The following COLEC12 variants were observed in gnomAD, a reference collection of about 807,000 sequenced individuals.
COLEC12 encodes collectin-12.
In COLEC12, 33 loss-of-function variants were observed where a neutral mutation model predicts 71.1. The observed-to-expected ratio is 0.46, with a 90% CI of 0.35 to 0.62. The LOEUF is 0.62. Ranked by LOEUF, COLEC12 falls within the 20% of genes least tolerant of loss-of-function variation. COLEC12 has a pLI of 0.00. For synonymous variants in COLEC12, 350 were observed against 353.0 expected (o/e 0.99, Z 0.10); for missense variants, 765 against 916.1 (o/e 0.84, Z 2.13).
At chr18:377,885 G>A (rs1915147540) in intron 2 of COLEC12, among the ~76,000 whole-genome samples, 1 of 151,952 alleles carries the variant, frequency 6.6e-6, no homozygotes, top group Non-Finnish European at 1.5e-5. Flanking sequence ...TGGGGCTGGG[G>A]GAAATAGGGT....
chr18:361,595 G>A (rs951258976), intron 2 of COLEC12, among the ~76,000 whole-genome samples: 13 of 152,198 alleles, frequency 8.5e-5, no homozygotes, highest in African/African-American at 2.4e-4. Flanking sequence ...ACGGACCAGC[G>A]CATAAGCTCT....
intron 5 of COLEC12, among the ~76,000 whole-genome samples, chr18:344,812 C>T (rs527605612): frequency 6.6e-6 from 1 of 152,368 alleles, no homozygotes; most frequent in South Asian, 2.1e-4. Context: ...CATCTTGATA[C>T]TATCCTGGCC....
At chr18:406,051 G>A (rs80246746) in intron 2 of COLEC12, among the ~76,000 whole-genome samples, 98 of 152,172 alleles carry the variant, frequency 6.4e-4, no homozygotes, top group African/African-American at 2.3e-3. Flanking sequence ...AAAACAGATG[G>A]CAATGAGAGT....
At chr18:447,836 G>GCAAGAATAGAT (rs1327533478) in intron 2 of COLEC12, among the ~76,000 whole-genome samples, 1 of 152,074 alleles carries the variant, frequency 6.6e-6, no homozygotes, top group Non-Finnish European at 1.5e-5. Context: ...GTCCCCTACA[G>GCAAGAATAGAT]CAAGAATATA....
intron 2 of COLEC12, among the ~76,000 whole-genome samples, chr18:452,593 G>T (rs1298343190): frequency 6.6e-6 from 1 of 152,188 alleles, no homozygotes; most frequent in Admixed American, 6.6e-5. Flanking sequence ...CCTCTCATTA[G>T]CTGTGTGCTT....
chr18:402,689 G>A (rs1196834388), intron 2 of COLEC12, among the ~76,000 whole-genome samples: 2 of 151,882 alleles, frequency 1.3e-5, no homozygotes, highest in Admixed American at 1.3e-4. Context: ...TAGAGTTATC[G>A]CTACTGCTGC....
intron 5 of COLEC12, among the ~76,000 whole-genome samples, chr18:338,606 C>T (rs1240755608): frequency 6.6e-6 from 1 of 152,190 alleles, no homozygotes; most frequent in Non-Finnish European, 1.5e-5. Context: ...CCTAAATAGC[C>T]TATGCCATTT....
chr18:449,823 T>C (rs1916724591), intron 2 of COLEC12, among the ~76,000 whole-genome samples: 1 of 152,252 alleles, frequency 6.6e-6, no homozygotes, highest in African/African-American at 2.4e-5. Flanking sequence ...TGGCTGAGAC[T>C]TTCTCAGAGC....
intron 2 of COLEC12, among the ~76,000 whole-genome samples, chr18:459,210 G>C (rs533457578): frequency 7.6e-4 from 116 of 152,308 alleles, no homozygotes; most frequent in African/African-American, 2.8e-3. Context: ...GGATCACCCA[G>C]ACTCTAATGA....
At chr18:328,831 C>T (rs1282930707) in intron 8 of COLEC12, among the ~76,000 whole-genome samples, 1 of 152,212 alleles carries the variant, frequency 6.6e-6, no homozygotes, top group Non-Finnish European at 1.5e-5. Context: ...TGCACTCCCT[C>T]CCTCGGCTGC....
intron 2 of COLEC12, among the ~76,000 whole-genome samples, chr18:462,923 C>A (rs1329279763): frequency 6.6e-6 from 1 of 152,172 alleles, no homozygotes; most frequent in African/African-American, 2.4e-5. Flanking sequence ...AATTTCTCCC[C>A]AGCTGGAGTT....
At chr18:320,506 G>A (rs990641901) in intron 9 of COLEC12, among the ~76,000 whole-genome samples, 40 of 152,100 alleles carry the variant, frequency 2.6e-4, no homozygotes, top group African/African-American at 8.9e-4. Flanking sequence ...ATGGCAATAC[G>A]GATAATTTAT....
intron 2 of COLEC12, among the ~76,000 whole-genome samples, chr18:392,446 T>C (rs1915481761): frequency 6.6e-6 from 1 of 152,244 alleles, no homozygotes; most frequent in South Asian, 2.1e-4. Flanking sequence ...TTTTATGCAA[T>C]TTAAATTACA....
rs1361147948 is a variant in COLEC12, at chr18:484,589, T to G, written c.8-3832A>C. Among the ~76,000 whole-genome samples the G allele has an allele frequency of 4.6e-5, 7 of 152,226 alleles. No individual in the cohort carries two copies. The South Asian group carries it at 1.2e-3, about 27-fold the overall frequency. On this transcript the variant is annotated intron_variant, in intron 1 of 9. Transcript: ENST00000400256. ...AGTCTCTCTCAATGTTTTTGTTTTT[T>G]GGGGGCGAGGATAGAGATTGGAAAA...
intron 2 of COLEC12, among the ~76,000 whole-genome samples, chr18:468,959 A>G (rs1267285643): frequency 1.3e-5 from 2 of 152,266 alleles, no homozygotes; most frequent in African/African-American, 4.8e-5. Context: ...CATAGCTGCT[A>G]TTAATCAGCA....
chr18:471,001 T>C (rs1917185456), intron 2 of COLEC12, among the ~76,000 whole-genome samples: 2 of 152,222 alleles, frequency 1.3e-5, no homozygotes, highest in African/African-American at 4.8e-5. Flanking sequence ...CAGTCTGGAT[T>C]TCTGCCAGAA....
intron 2 of COLEC12, among the ~76,000 whole-genome samples, chr18:438,570 T>C (rs538049317): frequency 1.3e-5 from 2 of 152,234 alleles, no homozygotes; most frequent in Admixed American, 6.5e-5. Flanking sequence ...CCCAGTACTT[T>C]GGGAGGCCAA....
intron 3 of COLEC12, among the ~76,000 whole-genome samples, chr18:356,203 A>G (rs916380791): frequency 1.3e-5 from 2 of 152,130 alleles, no homozygotes; most frequent in African/African-American, 4.8e-5. Flanking sequence ...TATAGGAGAG[A>G]TTCTTCAATT....
chr18:365,245 A>C (rs1215882349), intron 2 of COLEC12, among the ~76,000 whole-genome samples: 1 of 152,248 alleles, frequency 6.6e-6, no homozygotes, highest in Non-Finnish European at 1.5e-5. Context: ...ATACTTAAGC[A>C]GCAAGTAAAT....
Sources: gnomAD v4.1 joint callset for allele counts (sites outside exome capture counted in the v4.1 genomes callset) on GRCh38, gnomAD v4.1.1 for gene constraint, MANE v1.5 for transcripts, NCBI Gene and HGNC (gene_info 2026-07-23, HGNC 2026-07-21) for gene names.